The following EIF4ENIF1 variants were observed in gnomAD, a reference collection of about 807,000 sequenced individuals.
The protein encoded by EIF4ENIF1 is eukaryotic translation initiation factor 4E nuclear import factor 1.
EIF4ENIF1 carries 23 observed loss-of-function variants against 110.5 expected under a neutral mutation model. The observed-to-expected ratio is 0.21, with a 90% CI of 0.15 to 0.29. The LOEUF (loss-of-function observed/expected upper bound fraction) is 0.29. Ranked by LOEUF, EIF4ENIF1 falls within the 10% of genes least tolerant of loss-of-function variation. The pLI, the probability that EIF4ENIF1 is intolerant of heterozygous loss-of-function variation, is 1.00. For synonymous variants in EIF4ENIF1, 440 were observed against 437.0 expected (o/e 1.01, Z -0.09); for missense variants, 1,031 against 1,221.1 (o/e 0.84, Z 2.32).
intron 2 of EIF4ENIF1, among the ~76,000 whole-genome samples, chr22:31,485,962 A>T (rs1399371772): frequency 2.6e-5 from 4 of 151,978 alleles, no homozygotes; most frequent in East Asian, 3.9e-4. Flanking sequence ...ACAAAAAAAA[A>T]TAGGCCAGGT....
At position 31,441,944 on chromosome 22, in the gene EIF4ENIF1, G is replaced by T. The variant is rs760957552; in HGVS notation, c.2381C>A (p.Thr794Asn). ...TGTTGTAGGAACTGGGGATGCCAAG[G>T]TGGGTGTTTTTCTCCCAGTTGCTTT... is the stretch of plus-strand genomic sequence containing the variant. Reference protein sequence around the residue: ...RPKATGRKTPTLASPVPTTPF... With the variant: ...RPKATGRKTPNLASPVPTTPF... The change falls in exon 17 of 19, where the codon ACC becomes AAC. Residue 794 changes from threonine to asparagine, a missense_variant. By Grantham distance (65) the Thr-to-Asn change is moderately conservative. Around this residue, in one of 3 missense-constraint regions of EIF4ENIF1, gnomAD observed 309 missense variants for 299.1 expected, o/e 1.03. Coordinates refer to ENST00000330125, the MANE Select transcript of EIF4ENIF1 (RefSeq NM_019843.4). The T allele has an allele frequency of 6.2e-7, 1 of 1,614,210 alleles. No homozygotes were observed. The highest frequency in any genetic ancestry group is 1.1e-5 in the South Asian group (1 of 91,088).
chr22:31,459,848 G>A (rs974284112), intron 6 of EIF4ENIF1, among the ~76,000 whole-genome samples: 1 of 152,108 alleles, frequency 6.6e-6, no homozygotes, highest in African/African-American at 2.4e-5. Flanking sequence ...TCTACTCCAG[G>A]CTCTGCCATG....
At chr22:31,444,772 T>A in intron 14 of EIF4ENIF1, 82 bp from the exon 15 acceptor site, 2 of 1,361,746 alleles carry the variant, frequency 1.5e-6, no homozygotes, top group South Asian at 1.2e-5. Context: ...AAGACCAGCC[T>A]AGAAGTTTTA....
rs765815760 is a variant in EIF4ENIF1, at chr22:31,463,145, C to T, written c.586-12G>A. 8.1e-6 allele frequency: 13 copies of T among 1,609,896 alleles called. No individual in the cohort carries two copies. The Admixed American group carries it at 1.9e-4, about 23-fold the overall frequency. On this transcript the variant is annotated splice_polypyrimidine_tract_variant and intron_variant, in intron 5 of 18. Coordinates refer to ENST00000330125, the MANE Select transcript of EIF4ENIF1 (RefSeq NM_019843.4). Reference sequence around the variant, plus strand: ...TCTCCAAACTCTCTCTGGAAAAGTACATAAAGCAAGATTAAAAAATTTCTA... The same window carrying T: ...TCTCCAAACTCTCTCTGGAAAAGTATATAAAGCAAGATTAAAAAATTTCTA...
intron 9 of EIF4ENIF1, among the ~76,000 whole-genome samples, chr22:31,454,684 AC>A (rs1231534731): frequency 1.3e-5 from 2 of 152,094 alleles, no homozygotes; most frequent in Admixed American, 6.6e-5. Flanking sequence ...CTTCTGGGAG[AC>A]TTGTTACCTG....
chr22:31,456,283 G>A (rs1173759028), intron 7 of EIF4ENIF1, among the ~76,000 whole-genome samples: 1 of 150,054 alleles, frequency 6.7e-6, no homozygotes, highest in Non-Finnish European at 1.5e-5. Context: ...GAGTGCAGTG[G>A]CACGATCTCG....
intron 5 of EIF4ENIF1, 120 bp downstream of exon 5, chr22:31,463,561 A>T: frequency 9.8e-7 from 1 of 1,015,900 alleles, no homozygotes; most frequent in Non-Finnish European, 1.4e-6. Flanking sequence ...GCGTGCCTAT[A>T]ATCCCAGATA....
In EIF4ENIF1 at chr22:31,455,327, A is replaced by T. The variant is rs1601587965; in HGVS notation, c.1100-12T>A. Reference sequence around the variant, plus strand: ...GGCTTGCTCCAGACCTGATATTGCAAATAAACATACTCAAAATTAATCTGT... The same window carrying T: ...GGCTTGCTCCAGACCTGATATTGCATATAAACATACTCAAAATTAATCTGT... On this transcript the variant is annotated splice_polypyrimidine_tract_variant and intron_variant, in intron 8 of 18. Coordinates refer to ENST00000330125, the MANE Select transcript of EIF4ENIF1 (RefSeq NM_019843.4). 1.2e-5 allele frequency: 19 copies of T among 1,523,550 alleles called. No individual in the cohort carries two copies. Among genetic ancestry groups the T allele is most frequent in the Non-Finnish European group, 1.6e-5 (18 of 1,135,618 alleles). The allele number at this position is 1,523,550 out of a possible 1,614,324, so 94.4% of individuals were successfully genotyped here.
At chr22:31,437,458 C>CCG (rs1555900407), downstream of EIF4ENIF1, 1 of 132,748 alleles carries the variant, frequency 7.5e-6, no homozygotes, top group Non-Finnish European at 1.6e-5. Flanking sequence ...CATCCCCCCC[C>CCG]CACCCTCCCG....
At chr22:31,465,390 A>T (rs1425697737) in intron 4 of EIF4ENIF1, among the ~76,000 whole-genome samples, 1 of 152,130 alleles carries the variant, frequency 6.6e-6, no homozygotes, top group African/African-American at 2.4e-5. Flanking sequence ...CACTTCACCA[A>T]AGAGGTTATG....
chr22:31,456,328 A>C (rs549505052), intron 7 of EIF4ENIF1, among the ~76,000 whole-genome samples: 1 of 148,560 alleles, frequency 6.7e-6, no homozygotes, highest in South Asian at 2.1e-4. Flanking sequence ...GGTTCACACC[A>C]TTCTCCTGCC....
At chr22:31,450,610 A>C in intron 10 of EIF4ENIF1, 1 of 357,884 alleles carries the variant, frequency 2.8e-6, no homozygotes, top group Non-Finnish European at 5.3e-6. Context: ...TCCTAAGTCC[A>C]TTTCCCTGTT....
intron 15 of EIF4ENIF1, chr22:31,443,468 A>G (rs1323179684): frequency 6.0e-6 from 1 of 168,054 alleles, no homozygotes; most frequent in Admixed American, 6.1e-5. Context: ...TACTCCTAAT[A>G]TTTCCCTTAA....
intron 2 of EIF4ENIF1, among the ~76,000 whole-genome samples, chr22:31,474,214 T>C (rs1296668186): frequency 1.3e-5 from 2 of 152,076 alleles, no homozygotes; most frequent in Non-Finnish European, 2.9e-5. Flanking sequence ...TGCACCACCA[T>C]GGCTGGCTAA....
intron 7 of EIF4ENIF1, among the ~76,000 whole-genome samples, chr22:31,457,254 C>A (rs2050858700): frequency 6.6e-6 from 1 of 152,092 alleles, no homozygotes; most frequent in African/African-American, 2.4e-5. Context: ...TTAATAAGGA[C>A]AATTAAATAA....
intron 2 of EIF4ENIF1, among the ~76,000 whole-genome samples, chr22:31,480,869 A>C (rs898128805): frequency 1.1e-4 from 16 of 151,936 alleles, no homozygotes; most frequent in Non-Finnish European, 2.4e-4. Flanking sequence ...GTTTGAGACC[A>C]TCCTGGCCAA....
chr22:31,461,447 G>T (rs1456172388), intron 6 of EIF4ENIF1, among the ~76,000 whole-genome samples: 4 of 151,936 alleles, frequency 2.6e-5, no homozygotes, highest in African/African-American at 9.7e-5. Flanking sequence ...AGGTTTTTTT[G>T]GTTTTTTTGG....
In EIF4ENIF1 at chr22:31,455,253, A is replaced by G. The variant is rs933065731; in HGVS notation, c.1162T>C (p.Leu388=). ...NSGNYFAPIP[L]EDHAENKVDI... ...ACTTTATTTTCAGCATGGTCTTCCA[A>G]TGGTATAGGAGCAAAGTAATTCCCC... The change falls in exon 9 of 19, where the codon TTG becomes CTG. Residue 388 remains leucine (L), a synonymous_variant. Transcript: ENST00000330125. 2 of 1,613,976 alleles carry G rather than the reference A, an allele frequency of 1.2e-6. No homozygotes were observed. Among genetic ancestry groups the G allele is most frequent in the Admixed American group, 1.7e-5 (1 of 59,998 alleles).
At chr22:31,461,790 C>T (rs2051002912) in intron 6 of EIF4ENIF1, 1 of 152,200 alleles carries the variant, frequency 6.6e-6, no homozygotes, top group Non-Finnish European at 1.5e-5. Flanking sequence ...AGGCCTAATA[C>T]CATGATGAAG....
Sources: allele counts gnomAD v4.1 joint callset (sites outside exome capture counted in the v4.1 genomes callset), GRCh38; gene constraint gnomAD v4.1.1; regional missense constraint gnomAD v4.1.1; transcripts MANE v1.5; gene names NCBI Gene and HGNC (gene_info 2026-07-23, HGNC 2026-07-21).